The following KIF4A variants were observed in gnomAD, a reference collection of about 807,000 sequenced individuals.
KIF4A encodes the protein kinesin family member 4A, also known as chromosome-associated kinesin KIF4A.
KIF4A carries 7 observed loss-of-function variants against 105.9 expected under a neutral mutation model. The ratio of observed to expected loss-of-function variants is 0.07; its 90% confidence interval spans 0.04 to 0.12. KIF4A has a LOEUF of 0.12. KIF4A is among the 10% of genes least tolerant of loss of function. The pLI, the probability that KIF4A is intolerant of heterozygous loss-of-function variation, is 1.00. For synonymous variants in KIF4A, 281 were observed against 331.3 expected, an observed-to-expected ratio of 0.85 and a Z score of 1.65; for missense variants, 558 against 929.2, an observed-to-expected ratio of 0.60 and a Z score of 5.19.
intron 9 of KIF4A, among the ~76,000 whole-genome samples, chrX:70,333,299 G>T (rs1200081468): frequency 1.0e-5 from 1 of 99,595 alleles, no homozygotes; most frequent in East Asian, 3.1e-4. Context: ...CACCCTGGGC[G>T]ACAGAGCAAG....
At chrX:70,329,135 T>A (rs1360377160) in intron 7 of KIF4A, among the ~76,000 whole-genome samples, 1 of 112,153 alleles carries the variant, frequency 8.9e-6, no homozygotes, top group African/African-American at 3.2e-5. Context: ...TACAGATGGT[T>A]GTCATGGTGA....
chrX:70,379,121 C>T (rs185419877), intron 18 of KIF4A, among the ~76,000 whole-genome samples: 1 of 107,398 alleles, frequency 9.3e-6, no homozygotes, highest in East Asian at 2.9e-4. Flanking sequence ...AGAGATCGCA[C>T]CACTGCACTC....
intron 15 of KIF4A, among the ~76,000 whole-genome samples, chrX:70,371,893 G>A (rs1281810841): frequency 2.6e-4 from 27 of 104,090 alleles, no homozygotes; most frequent in East Asian, 1.6e-3. Context: ...CAGACGGGGC[G>A]GTTGCCAGGC....
Position 70,334,397 on chromosome X carries a change from C to T in KIF4A, c.1133+708C>T, listed in dbSNP as rs760160791. Among the ~76,000 whole-genome samples the T allele has an allele frequency of 5.4e-5, 6 of 112,144 alleles. No homozygotes were observed. In the South Asian group the frequency reaches 2.2e-3, roughly 42 times the overall value. Reference sequence around the variant, plus strand: ...AAACCATGAGTTTATACTGACACCTCTGATACCATTCCAATGTGACAGGGT... The same window carrying T: ...AAACCATGAGTTTATACTGACACCTTTGATACCATTCCAATGTGACAGGGT... On this transcript the variant is annotated intron_variant, in intron 10 of 30. Transcript: ENST00000374403.
chrX:70,401,403 A>C (rs757778272), intron 22 of KIF4A, among the ~76,000 whole-genome samples: 3 of 92,171 alleles, frequency 3.3e-5, no homozygotes, highest in Non-Finnish European at 6.6e-5. Flanking sequence ...TAAGTGAATT[A>C]ATTTTTTTTT....
chrX:70,365,453 G>GCACT (rs2086097838), intron 15 of KIF4A, among the ~76,000 whole-genome samples: 4 of 111,950 alleles, frequency 3.6e-5, no homozygotes, highest in African/African-American at 1.3e-4. Context: ...TTAGCATGAA[G>GCACT]GGTTATTGAA....
intron 10 of KIF4A, among the ~76,000 whole-genome samples, chrX:70,340,034 CATATAGTACCTA>C (rs2147697030): frequency 9.0e-6 from 1 of 111,088 alleles, no homozygotes; most frequent in East Asian, 2.8e-4. Context: ...TCTCTGCATT[CATATAGTACCTA>C]TCTCTGTAGT....
At chrX:70,312,074 A>C (rs1363995418) in intron 7 of KIF4A, among the ~76,000 whole-genome samples, 1 of 107,629 alleles carries the variant, frequency 9.3e-6, no homozygotes, top group African/African-American at 3.4e-5. Flanking sequence ...TATAGATTTT[A>C]TTTATTTGGA....
At chrX:70,319,868 T>G (rs2085884027) in intron 7 of KIF4A, among the ~76,000 whole-genome samples, 1 of 111,662 alleles carries the variant, frequency 9.0e-6, no homozygotes, top group Non-Finnish European at 1.9e-5. Context: ...TGCAACCTCA[T>G]TCACTCTCTC....
At chrX:70,386,134 C>T (rs1218690898) in intron 18 of KIF4A, among the ~76,000 whole-genome samples, 1 of 109,448 alleles carries the variant, frequency 9.1e-6, no homozygotes, top group African/African-American at 3.3e-5. Flanking sequence ...TTTTTAGCTG[C>T]AGGTTACTTT....
chrX:70,353,255 T>C (rs182552242), intron 14 of KIF4A, among the ~76,000 whole-genome samples: 3 of 112,210 alleles, frequency 2.7e-5, no homozygotes, highest in East Asian at 5.6e-4. Flanking sequence ...GGTCAGGTAC[T>C]AGAGGTCAGC....
At chrX:70,402,220 T>C (rs965593373) in intron 22 of KIF4A, among the ~76,000 whole-genome samples, 4 of 111,930 alleles carry the variant, frequency 3.6e-5, no homozygotes, top group African/African-American at 1.3e-4. Context: ...TGGACCATCA[T>C]GTCACAGTCT....
intron 22 of KIF4A, among the ~76,000 whole-genome samples, chrX:70,397,989 ACAAAAG>A (rs1215499326): frequency 8.9e-6 from 1 of 112,096 alleles, no homozygotes; most frequent in Non-Finnish European, 1.9e-5. Flanking sequence ...ACAGAAACTG[ACAAAAG>A]TTACAAATCA....
chrX:70,322,301 T>A (rs900614023), intron 7 of KIF4A, among the ~76,000 whole-genome samples: 77 of 109,167 alleles, frequency 7.1e-4, no homozygotes, highest in Admixed American at 1.2e-3. Flanking sequence ...CTGTTTTTTT[T>A]AATTTATTTT....
At chrX:70,369,289 G>C (rs1179743508) in intron 15 of KIF4A, among the ~76,000 whole-genome samples, 7 of 112,109 alleles carry the variant, frequency 6.2e-5, no homozygotes, top group Non-Finnish European at 5.6e-5. Context: ...CCAGTGAGAC[G>C]AACCTGGTAC....
chrX:70,304,025 G>A (rs1252564121), intron 7 of KIF4A, among the ~76,000 whole-genome samples: 2 of 95,321 alleles, frequency 2.1e-5, no homozygotes, highest in Non-Finnish European at 4.2e-5. Flanking sequence ...TGCCATGCTG[G>A]TGTGCTGCAC....
At chrX:70,409,005 A>G (rs1043031082) in intron 28 of KIF4A, among the ~76,000 whole-genome samples, 6 of 111,619 alleles carry the variant, frequency 5.4e-5, no homozygotes, top group African/African-American at 2.0e-4. Context: ...GGCTGGGATT[A>G]CAGGTGCCCG....
At chrX:70,413,503 G>A (rs756244267) in intron 28 of KIF4A, among the ~76,000 whole-genome samples, 11 of 110,087 alleles carry the variant, frequency 1.0e-4, no homozygotes, top group Admixed American at 8.7e-4. Flanking sequence ...GCGTGATGGC[G>A]CACGCCTGTA....
chrX:70,333,090 G>A (rs1406953933), intron 9 of KIF4A, among the ~76,000 whole-genome samples: 7 of 110,609 alleles, frequency 6.3e-5, no homozygotes, highest in Non-Finnish European at 3.8e-5. Flanking sequence ...TGTAAGCCCC[G>A]CACTTTGGGA....
Sources: allele counts gnomAD v4.1 joint callset (sites outside exome capture counted in the v4.1 genomes callset), GRCh38; gene constraint gnomAD v4.1.1; transcripts MANE v1.5; gene names NCBI Gene and HGNC (gene_info 2026-07-23, HGNC 2026-07-21).